Variants in CEP104 observed in about 807,000 individuals in gnomAD.
The protein encoded by CEP104 is centrosomal protein 104, also known as centrosomal protein of 104 kDa.
In CEP104, 84 loss-of-function variants were observed where a neutral mutation model predicts 113.3. The observed-to-expected ratio is 0.74, with a 90% CI of 0.62 to 0.89. The LOEUF is 0.89. CEP104 is among the 40% of genes least tolerant of loss of function. The pLI is 0.00. For synonymous variants in CEP104, 378 were observed against 421.7 expected (o/e 0.90, Z 1.27); for missense variants, 1,053 against 1,156.6 (o/e 0.91, Z 1.30).
chr1:3,815,376 A>C lies in CEP104; in HGVS notation c.*26T>G. 2 of 1,532,890 alleles carry C rather than the reference A, an allele frequency of 1.3e-6. No individual in the cohort carries two copies. The highest frequency in any genetic ancestry group is 1.8e-6 in the Non-Finnish European group (2 of 1,119,334). 95.0% of individuals were successfully genotyped at this position (1,532,890 alleles called of 1,614,324 possible). A position where few individuals can be genotyped will look rare whatever the true frequency, so the allele number is the denominator to read the frequency against. On this transcript the variant is annotated 3_prime_UTR_variant, in exon 22 of 22. Transcript: ENST00000378230. ...TCAGGAGACCCGCTCCATCCCTCAC[A>C]GAGACCAAGGAGCCCGAGCGCCGCG...
intron 3 of CEP104, 135 bp downstream of exon 3, chr1:3,848,473 A>C: frequency 1.5e-6 from 1 of 670,870 alleles, no homozygotes; most frequent in Non-Finnish European, 2.4e-6. Context: ...CAGAGGCTGC[A>C]GTGAGCTGAG....
Position 3,815,332 on chromosome 1 carries a change from C to G in CEP104, c.*70G>C, listed in dbSNP as rs1386861504. 1 of 1,212,724 alleles carries G rather than the reference C, an allele frequency of 8.2e-7. No homozygotes were observed. The highest frequency in any genetic ancestry group is 2.5e-5 in the East Asian group (1 of 39,896). The allele number at this position is 1,212,724 out of a possible 1,614,324, so 75.1% of individuals were successfully genotyped here. ...ATGGGGCCACCAAGGCCAGAGAGTT[C>G]TGGAGAGATGGTGTAGAATCAGGAG... On this transcript the variant is annotated 3_prime_UTR_variant, in exon 22 of 22. Transcript: ENST00000378230.
In CEP104 at chr1:3,823,039, C is replaced by T. The variant is rs565540583; in HGVS notation, c.2571+135G>A. On this transcript the variant is annotated intron_variant, in intron 20 of 21. Coordinates refer to ENST00000378230, the MANE Select transcript of CEP104 (RefSeq NM_014704.4). The surrounding 1 kb of genome is among the most constrained non-coding windows in gnomAD (Gnocchi z 4.1). ...GACTGCTCAGACAGGGCTCACTAGA[C>T]GCTGTCCCCTCCCTGAACACTCATG... 10 of 764,734 alleles carry T rather than the reference C, an allele frequency of 1.3e-5. No homozygotes were observed. The highest frequency in any genetic ancestry group is 1.1e-4 in the Admixed American group (5 of 47,538). 47.4% of individuals were successfully genotyped at this position (764,734 alleles called of 1,614,324 possible). A position where few individuals can be genotyped will look rare whatever the true frequency, so the allele number is the denominator to read the frequency against.
intron 13 of CEP104, 127 bp downstream of exon 13, chr1:3,830,919 C>T (rs1336925622): frequency 1.6e-5 from 16 of 988,110 alleles, no homozygotes; most frequent in Non-Finnish European, 2.3e-5. Flanking sequence ...GGATGAAACA[C>T]TGGCTATTTT....
At chr1:3,829,212 G>A (rs1314688199) in intron 15 of CEP104, 54 bp downstream of exon 15, 2 of 1,224,262 alleles carry the variant, frequency 1.6e-6, no homozygotes, top group Non-Finnish European at 2.3e-6. Context: ...GATCTATACA[G>A]CAAAATACAT....
In CEP104 at chr1:3,823,685, A is replaced by C; in HGVS notation, c.2365-123T>G. 1 of 1,151,240 alleles carries C rather than the reference A, an allele frequency of 8.7e-7. No homozygotes were observed. The highest frequency in any genetic ancestry group is 1.3e-6 in the Non-Finnish European group (1 of 797,314). The allele number at this position is 1,151,240 out of a possible 1,614,324, so 71.3% of individuals were successfully genotyped here. A position where few individuals can be genotyped will look rare whatever the true frequency, so the allele number is the denominator to read the frequency against. ...GGTCTGTGCCGCCTGCACATGAAGTAAGCCACAGGCTTCTATCTTCGGCAT... is the reference window on the plus strand; with the variant it reads ...GGTCTGTGCCGCCTGCACATGAAGTCAGCCACAGGCTTCTATCTTCGGCAT... On this transcript the variant is annotated intron_variant, in intron 18 of 21. Coordinates refer to ENST00000378230, the MANE Select transcript of CEP104 (RefSeq NM_014704.4). The surrounding 1 kb of genome is among the most constrained non-coding windows in gnomAD (Gnocchi z 4.1).
At chr1:3,842,527 A>G (rs1171983267) in intron 6 of CEP104, among the ~76,000 whole-genome samples, 1 of 152,246 alleles carries the variant, frequency 6.6e-6, no homozygotes, top group Non-Finnish European at 1.5e-5. Context: ...GCTGTCCACC[A>G]GTGCACATGC....
At chr1:3,831,350 G>T in intron 12 of CEP104, 128 bp from the exon 13 acceptor site, 1 of 701,820 alleles carries the variant, frequency 1.4e-6, no homozygotes. Flanking sequence ...TAGTGACAAG[G>T]AGCAATGAGA....
At chr1:3,852,119 A>G (rs1288430154) in intron 2 of CEP104, among the ~76,000 whole-genome samples, 176 bp downstream of exon 2, 4 of 152,172 alleles carry the variant, frequency 2.6e-5, no homozygotes, top group Non-Finnish European at 5.9e-5. Flanking sequence ...GAGGGTCAAC[A>G]TATTTTCTTT....
chr1:3,854,726 G>A (rs946441271), intron 1 of CEP104, among the ~76,000 whole-genome samples: 4 of 145,702 alleles, frequency 2.7e-5, no homozygotes, highest in Admixed American at 7.1e-5. Context: ...CAATCTGCCC[G>A]CCTTGGCCTC....
At chr1:3,833,201 G>A (rs1245680242) in intron 12 of CEP104, among the ~76,000 whole-genome samples, 3 of 151,774 alleles carry the variant, frequency 2.0e-5, no homozygotes, top group Non-Finnish European at 2.9e-5. Context: ...GGATAGTCTC[G>A]ATCTCCTAAC....
intron 6 of CEP104, among the ~76,000 whole-genome samples, chr1:3,840,068 G>A (rs1255631770): frequency 6.6e-6 from 1 of 152,098 alleles, no homozygotes; most frequent in Admixed American, 6.5e-5. Flanking sequence ...TCTGGGCCTC[G>A]CCTCGTTATG....
In CEP104 at chr1:3,839,507, C is replaced by T. The variant is rs370461162; in HGVS notation, c.735+101G>A. 942 of 1,099,248 alleles carry T rather than the reference C, an allele frequency of 8.6e-4. 15 individuals are homozygous for T. The South Asian group carries it at 0.011, about 13-fold the overall frequency. The allele number at this position is 1,099,248 out of a possible 1,614,324, so 68.1% of individuals were successfully genotyped here. On this transcript the variant is annotated intron_variant, in intron 7 of 21. Coordinates refer to ENST00000378230, the MANE Select transcript of CEP104 (RefSeq NM_014704.4). ...GATCTTTGAACTCACACTAACTTCACGGCTTTTAGTAACTGGTTTCTTTTA... is the reference window on the plus strand; with the variant it reads ...GATCTTTGAACTCACACTAACTTCATGGCTTTTAGTAACTGGTTTCTTTTA...
intron 2 of CEP104, among the ~76,000 whole-genome samples, chr1:3,851,963 T>C (rs560598244): frequency 2.6e-5 from 4 of 152,250 alleles, no homozygotes; most frequent in Non-Finnish European, 5.9e-5. Context: ...GCACTCACAA[T>C]CTCTGCACAG....
chr1:3,827,155 A>G (rs950132690), intron 15 of CEP104, among the ~76,000 whole-genome samples: 1 of 152,214 alleles, frequency 6.6e-6, no homozygotes, highest in African/African-American at 2.4e-5. Flanking sequence ...TGGAAAACAC[A>G]TGCAGAAGTG....
At chr1:3,817,594 C>A (rs995896934) in intron 20 of CEP104, among the ~76,000 whole-genome samples, 5 of 152,168 alleles carry the variant, frequency 3.3e-5, no homozygotes, top group Non-Finnish European at 5.9e-5. Flanking sequence ...CCACTGGCAA[C>A]CTTCGTGTCC....
intron 4 of CEP104, among the ~76,000 whole-genome samples, chr1:3,846,968 T>G (rs1644519481): frequency 6.6e-6 from 1 of 152,194 alleles, no homozygotes; most frequent in African/African-American, 2.4e-5. Context: ...CATGCAACAT[T>G]CATGTGTCCA....
Position 3,831,105 on chromosome 1 carries a change from G to C in CEP104, c.1777C>G (p.Arg593Gly). The C allele has an allele frequency of 6.2e-7, 1 of 1,614,198 alleles. No individual in the cohort carries two copies. Among genetic ancestry groups the C allele is most frequent in the Non-Finnish European group, 8.5e-7 (1 of 1,180,034 alleles). ...CCAGTGCCCAGGTCTTTCAGCAGCC[G>C]GGCCAGGAGGCCCATCTGACTCATT... ...LAMSQMGLLARLLKDLGTGSS... is the reference protein window; with the variant it reads ...LAMSQMGLLAGLLKDLGTGSS... Residue 593 changes from arginine to glycine, a missense_variant, in exon 13 of 22, where the codon CGG becomes GGG. Arg to Gly is a moderately radical substitution (Grantham distance 125, BLOSUM62 -2). Coordinates refer to ENST00000378230, the MANE Select transcript of CEP104 (RefSeq NM_014704.4).
chr1:3,854,718 A>G (rs546948062), intron 1 of CEP104, among the ~76,000 whole-genome samples: 6 of 146,016 alleles, frequency 4.1e-5, no homozygotes, highest in Admixed American at 2.1e-4. Context: ...CTCCTGGCCA[A>G]TCTGCCCGCC....
Sources: allele counts gnomAD v4.1 joint callset (sites outside exome capture counted in the v4.1 genomes callset), GRCh38; gene constraint gnomAD v4.1.1; non-coding constraint Gnocchi (gnomAD v3.1); transcripts MANE v1.5; gene names NCBI Gene and HGNC (gene_info 2026-07-23, HGNC 2026-07-21).